The following IQCH variants were observed in gnomAD, a reference collection of about 807,000 sequenced individuals.
IQCH encodes IQ motif containing H, also known as IQ domain-containing protein H.
A neutral mutation model predicts 117.0 loss-of-function variants in IQCH; 98 were observed. The ratio of observed to expected loss-of-function variants is 0.84; its 90% CI spans 0.71 to 0.99. The LOEUF (loss-of-function observed/expected upper bound fraction) is 0.99. Among genes scored for constraint, IQCH ranks in the 50% least tolerant of loss-of-function variants. The pLI is 0.00. For missense variants in IQCH, 1,102 were observed against 1,243.8 expected (o/e 0.89, Z 1.72); for synonymous variants, 412 against 448.2 (o/e 0.92, Z 1.02).
intron 1 of IQCH, chr15:67,255,206 C>G: frequency 1.8e-6 from 1 of 543,706 alleles, no homozygotes; most frequent in South Asian, 2.5e-5. Flanking sequence ...CACCCGGAAC[C>G]TTTACTTCAG....
intron 4 of IQCH, among the ~76,000 whole-genome samples, chr15:67,323,480 G>A (rs1376502061): frequency 6.6e-6 from 1 of 152,014 alleles, no homozygotes; most frequent in African/African-American, 2.4e-5. Context: ...CTGACCTCGT[G>A]ATCTGCCTGC....
rs753778302 is a variant in IQCH, at chr15:67,384,305, CAT to C, written c.1373-628_1373-627del. Among the ~76,000 whole-genome samples the C allele has an allele frequency of 1.9e-4, 29 of 152,014 alleles. No homozygotes were observed. Among genetic ancestry groups the C allele is most frequent in the South Asian group, 4.1e-4 (2 of 4,828 alleles). ...GAGAGATTTTTGGACAATAGTAATT[CAT>C]ATGTGTTTTCCCTTCTGCTACGTTT... On this transcript the variant is annotated intron_variant, in intron 10 of 20. Coordinates refer to ENST00000335894, the MANE Select transcript of IQCH (RefSeq NM_001031715.3). The surrounding 1 kb of genome is among the most constrained non-coding windows in gnomAD (Gnocchi z 4.3).
intron 6 of IQCH, among the ~76,000 whole-genome samples, chr15:67,345,946 C>G (rs1351070232): frequency 2.6e-5 from 4 of 152,120 alleles, no homozygotes; most frequent in Non-Finnish European, 2.9e-5. Context: ...ATCTTTGCAA[C>G]TTTTCTGTAT....
In IQCH at chr15:67,425,692, G is replaced by A. The variant is rs976658056; in HGVS notation, c.2505+4115G>A. ...TGTGTTCCAAGAGTACCACAATAGT[G>A]TATTGCTTATCAAATTCCACCCAGA... On this transcript the variant is annotated intron_variant, in intron 16 of 20. Coordinates refer to ENST00000335894, the MANE Select transcript of IQCH (RefSeq NM_001031715.3). This position sits in a 1 kb window ranked among gnomAD's most constrained non-coding sequence, Gnocchi z 5.5. Among the ~76,000 whole-genome samples the A allele has an allele frequency of 7.9e-5, 12 of 152,164 alleles. No individual in the cohort carries two copies. The highest frequency in any genetic ancestry group is 1.8e-4 in the Non-Finnish European group (12 of 68,032).
At chr15:67,259,364 T>C (rs1462106666) in intron 1 of IQCH, among the ~76,000 whole-genome samples, 1 of 152,234 alleles carries the variant, frequency 6.6e-6, no homozygotes, top group Non-Finnish European at 1.5e-5. Context: ...TTACCTCATT[T>C]TCATTCAACA....
intron 4 of IQCH, among the ~76,000 whole-genome samples, chr15:67,280,303 C>T (rs1966298973): frequency 6.6e-6 from 1 of 151,614 alleles, no homozygotes; most frequent in South Asian, 2.1e-4. Flanking sequence ...AAGTTTCTGA[C>T]TTTGCCTCCA....
chr15:67,295,797 T>C (rs1017525051), intron 4 of IQCH, among the ~76,000 whole-genome samples: 1 of 152,180 alleles, frequency 6.6e-6, no homozygotes, highest in African/African-American at 2.4e-5. Flanking sequence ...AGTGTCCCTT[T>C]CCTATTAAGG....
At position 67,445,770 on chromosome 15, in the gene IQCH, G is replaced by A. The variant is rs1199547800; in HGVS notation, c.2506-19357G>A. ...AATCTTTGTAGATGTCTCCACAAAT[G>A]TCTTAATATGTAAATGCTATTAAAC... is the stretch of plus-strand genomic sequence containing the variant. On this transcript the variant is annotated intron_variant, in intron 16 of 20. Coordinates refer to ENST00000335894, the MANE Select transcript of IQCH (RefSeq NM_001031715.3). The surrounding 1 kb of genome is among the most constrained non-coding windows in gnomAD (Gnocchi z 4.3). Among the ~76,000 whole-genome samples, 1 of 152,160 alleles carries A rather than the reference G, an allele frequency of 6.6e-6. No individual in the cohort carries two copies. Among genetic ancestry groups the A allele is most frequent in the Non-Finnish European group, 1.5e-5 (1 of 68,026 alleles).
chr15:67,356,245 C>T lies in IQCH; in HGVS notation c.638-1100C>T, dbSNP rs1262515857. On this transcript the variant is annotated intron_variant, in intron 6 of 20. Transcript: ENST00000335894. The surrounding 1 kb of genome is among the most constrained non-coding windows in gnomAD (Gnocchi z 5.3). ...ATACCCTTAAAATGGGGTCTTCATA[C>T]ACTACTGGCCAGGGGATAGTGAGGA... Among the ~76,000 whole-genome samples, 1 of 152,142 alleles carries T rather than the reference C, an allele frequency of 6.6e-6. No individual in the cohort carries two copies. Among genetic ancestry groups the T allele is most frequent in the Non-Finnish European group, 1.5e-5 (1 of 68,034 alleles).
In IQCH at chr15:67,359,236, C is replaced by T. The variant is rs1431959133; in HGVS notation, c.715-611C>T. Among the ~76,000 whole-genome samples the T allele has an allele frequency of 2.6e-5, 4 of 152,132 alleles. No homozygotes were observed. The highest frequency in any genetic ancestry group is 9.7e-5 in the African/African-American group (4 of 41,436). On this transcript the variant is annotated intron_variant, in intron 7 of 20. Coordinates refer to ENST00000335894, the MANE Select transcript of IQCH (RefSeq NM_001031715.3). The surrounding 1 kb of genome is among the most constrained non-coding windows in gnomAD (Gnocchi z 4.5). ...TAGGTTTTAGCCAGTAAATGGTTTA[C>T]CACGAAAAAAATAGTTTTAAATAAT...
chr15:67,470,294 C>T (rs2083038392), intron 17 of IQCH, among the ~76,000 whole-genome samples: 1 of 152,222 alleles, frequency 6.6e-6, no homozygotes, highest in Non-Finnish European at 1.5e-5. Flanking sequence ...ACTCCTGCCT[C>T]AGCCTCCCGA....
rs1362773919 is a variant in IQCH, at chr15:67,365,789, G to A, written c.753+5904G>A. Among the ~76,000 whole-genome samples, 3 of 152,276 alleles carry A rather than the reference G, an allele frequency of 2.0e-5. No homozygotes were observed. Among genetic ancestry groups the A allele is most frequent in the African/African-American group, 7.2e-5 (3 of 41,554 alleles). On this transcript the variant is annotated intron_variant, in intron 8 of 20. Coordinates refer to ENST00000335894, the MANE Select transcript of IQCH (RefSeq NM_001031715.3). This position sits in a 1 kb window ranked among gnomAD's most constrained non-coding sequence, Gnocchi z 4.4. ...TACTAAAAATATAAAAGTTAGCCGG[G>A]TGTGGTGGCGCGTGCCTGTAATCCT...
chr15:67,258,950 G>A (rs1965346151), intron 1 of IQCH, among the ~76,000 whole-genome samples: 1 of 152,142 alleles, frequency 6.6e-6, no homozygotes, highest in Non-Finnish European at 1.5e-5. Context: ...CAGATGAGTG[G>A]TTGTTAAGAG....
chr15:67,315,868 G>A (rs1245687825), intron 4 of IQCH, among the ~76,000 whole-genome samples: 1 of 152,074 alleles, frequency 6.6e-6, no homozygotes, highest in East Asian at 1.9e-4. Context: ...CTTGTCACTA[G>A]TTTATACGTC....
chr15:67,353,745 T>G (rs1969770766), intron 6 of IQCH, among the ~76,000 whole-genome samples: 1 of 152,058 alleles, frequency 6.6e-6, no homozygotes, highest in South Asian at 2.1e-4. Context: ...ACGTAAACAC[T>G]ACTAAAATGA....
chr15:67,500,650 T>C lies in IQCH; in HGVS notation c.2988T>C (p.Ile996=). 1 of 1,572,740 alleles carries C rather than the reference T, an allele frequency of 6.4e-7. No individual in the cohort carries two copies. The highest frequency in any genetic ancestry group is 1.1e-5 in the South Asian group (1 of 88,956). The change falls in exon 21 of 21, where the codon ATT becomes ATC. Residue 996 remains isoleucine (I), a synonymous_variant. Transcript: ENST00000335894. The surrounding 1 kb of genome is among the most constrained non-coding windows in gnomAD (Gnocchi z 4.4). ...ETNFKTTIAD[I]ETILRVTKEN... ...ATTTACAGACCACCATTGCTGATAT[T>C]GAAACTATTCTAAGAGTAACAAAGG...
chr15:67,300,861 A>G (rs547204711), intron 4 of IQCH, among the ~76,000 whole-genome samples: 1 of 152,334 alleles, frequency 6.6e-6, no homozygotes, highest in African/African-American at 2.4e-5. Context: ...TTTCCTTCTT[A>G]TATAGCTTTG....
At chr15:67,400,005 AC>A in intron 13 of IQCH, 108 bp from the exon 14 acceptor site, 1 of 769,964 alleles carries the variant, frequency 1.3e-6, no homozygotes, top group Admixed American at 2.5e-5. Context: ...AAATGAACAG[AC>A]CATTAGAAGT....
In IQCH at chr15:67,462,623, GCTCT is replaced by G. The variant is rs2082826506; in HGVS notation, c.2506-2501_2506-2498del. 2.0e-5 allele frequency among the ~76,000 whole-genome samples: 3 copies of G among 151,342 alleles called. No individual in the cohort carries two copies. The South Asian group carries it at 6.3e-4, about 32-fold the overall frequency. Reference sequence around the variant, plus strand: ...TTCCCACTGTGAGGTCCAGATTTAAGCTCTCTGACTCCGTGGTTCTCACTCTTTC... The same window carrying G: ...TTCCCACTGTGAGGTCCAGATTTAAGCTGACTCCGTGGTTCTCACTCTTTC... On this transcript the variant is annotated intron_variant, in intron 16 of 20. Transcript: ENST00000335894.
Sources: allele counts gnomAD v4.1 joint callset (sites outside exome capture counted in the v4.1 genomes callset), GRCh38; gene constraint gnomAD v4.1.1; non-coding constraint Gnocchi (gnomAD v3.1); transcripts MANE v1.5; gene names NCBI Gene and HGNC (gene_info 2026-07-23, HGNC 2026-07-21).